DDX31: variants seen among roughly 807,000 people sequenced by gnomAD.
DDX31 encodes DEAD-box helicase 31.
DDX31 carries 70 observed loss-of-function variants against 91.3 expected under a neutral mutation model. That is an observed-to-expected ratio of 0.77 (90% CI 0.63 to 0.94). The LOEUF (loss-of-function observed/expected upper bound fraction) is 0.94, where lower values mean the gene tolerates loss of function less well. Ranked by LOEUF, DDX31 falls within the 40% of genes least tolerant of loss-of-function variation. The probability of loss-of-function intolerance (pLI) is 0.00; values close to 1 mark genes in which losing one functional copy is unlikely to be tolerated. For synonymous variants in DDX31, 362 were observed against 350.6 expected (o/e 1.03, Z -0.36); for missense variants, 902 against 925.0 (o/e 0.98, Z 0.32).
chr9:132,669,526 G>T (rs894361968), intron 1 of DDX31: 2 of 1,376,740 alleles, frequency 1.5e-6, no homozygotes, highest in Non-Finnish European at 1.9e-6. Context: ...GCTTAGAGAA[G>T]TTAAGCTTTG....
intron 14 of DDX31, among the ~76,000 whole-genome samples, chr9:132,640,079 C>G (rs1450228959): frequency 6.6e-6 from 1 of 152,222 alleles, no homozygotes. Flanking sequence ...GTGCTAGACA[C>G]TGGGATAGAA....
chr9:132,622,107 A>C (rs1052279799), intron 17 of DDX31, among the ~76,000 whole-genome samples: 2 of 152,162 alleles, frequency 1.3e-5, no homozygotes, highest in African/African-American at 4.8e-5. Context: ...AGACCTAAGA[A>C]TCTATGAGGT....
At chr9:132,611,291 C>T (rs1831322447) in intron 19 of DDX31, among the ~76,000 whole-genome samples, 2 of 152,192 alleles carry the variant, frequency 1.3e-5, no homozygotes, top group African/African-American at 2.4e-5. Flanking sequence ...ATTTGTTCAA[C>T]GGACCGTTCC....
chr9:132,604,394 C>T (rs1830892154), intron 19 of DDX31, among the ~76,000 whole-genome samples: 1 of 152,160 alleles, frequency 6.6e-6, no homozygotes, highest in Non-Finnish European at 1.5e-5. Context: ...AGCCTGCCTC[C>T]CCTGACAGAG....
At chr9:132,598,835 A>G (rs529894894) in intron 19 of DDX31, among the ~76,000 whole-genome samples, 2 of 152,374 alleles carry the variant, frequency 1.3e-5, no homozygotes, top group South Asian at 2.1e-4. Flanking sequence ...ATATTAAAGT[A>G]TATTTTCATC....
In DDX31 at chr9:132,659,789, C is replaced by T; in HGVS notation, c.453-9G>A. 1 of 1,612,038 alleles carries T rather than the reference C, an allele frequency of 6.2e-7. No individual in the cohort carries two copies. Among genetic ancestry groups the T allele is most frequent in the Non-Finnish European group, 8.5e-7 (1 of 1,178,990 alleles). On this transcript the variant is annotated splice_polypyrimidine_tract_variant and intron_variant, in intron 4 of 19. Coordinates refer to ENST00000372159, the MANE Select transcript of DDX31 (RefSeq NM_022779.9). ...TACTTTGCTTCTGAACACTGGGCCA[C>T]CCGAAAAAAAGAACACACTTTACCT...
chr9:132,596,918 C>G (rs182880357), intron 19 of DDX31, among the ~76,000 whole-genome samples: 2 of 152,200 alleles, frequency 1.3e-5, no homozygotes, highest in East Asian at 3.9e-4. Context: ...ACTTGACTAT[C>G]ACTCATCAGC....
In DDX31 at chr9:132,595,575, C is replaced by T. The variant is rs79714555; in HGVS notation, c.1995-463G>A. Among the ~76,000 whole-genome samples, 612 of 152,280 alleles carry T rather than the reference C, an allele frequency of 4.0e-3. 3 individuals carry two copies. The highest frequency in any genetic ancestry group is 0.014 in the African/African-American group (590 of 41,556). Reference sequence around the variant, plus strand: ...CTGAGGGCTTCAGGACTCAGCCCTGCGGGAGCAGAGTCCAGCAAGTTCCAC... The same window carrying T: ...CTGAGGGCTTCAGGACTCAGCCCTGTGGGAGCAGAGTCCAGCAAGTTCCAC... On this transcript the variant is annotated intron_variant, in intron 19 of 19. Transcript: ENST00000372159. This position sits in a 1 kb window ranked among gnomAD's most constrained non-coding sequence, Gnocchi z 4.6.
chr9:132,599,292 C>T (rs1171160467), intron 19 of DDX31, among the ~76,000 whole-genome samples: 1 of 152,208 alleles, frequency 6.6e-6, no homozygotes, highest in East Asian at 1.9e-4. Flanking sequence ...AATGCAAGAG[C>T]TGGAATTTGA....
chr9:132,613,054 T>G (rs1308321287), intron 18 of DDX31, among the ~76,000 whole-genome samples: 1 of 152,122 alleles, frequency 6.6e-6, no homozygotes. Context: ...TTTTTAAATT[T>G]TTATTTTTGT....
chr9:132,604,238 G>A (rs1830880729), intron 19 of DDX31, among the ~76,000 whole-genome samples: 1 of 152,190 alleles, frequency 6.6e-6, no homozygotes, highest in Non-Finnish European at 1.5e-5. Flanking sequence ...AATGGTCCCT[G>A]AGACTACAGG....
At chr9:132,663,404 G>A (rs1178878263) in intron 1 of DDX31, 1 of 985,182 alleles carries the variant, frequency 1.0e-6, no homozygotes, top group African/African-American at 1.7e-5. Context: ...GAGTCCCCGA[G>A]TCTCTGCCTG....
chr9:132,622,765 T>G (rs909624832), intron 17 of DDX31, among the ~76,000 whole-genome samples: 2 of 152,270 alleles, frequency 1.3e-5, no homozygotes, highest in South Asian at 2.1e-4. Context: ...TCCCTGAGTC[T>G]GGGCTTTAAT....
intron 14 of DDX31, among the ~76,000 whole-genome samples, chr9:132,632,972 A>C (rs1832887901): frequency 6.6e-6 from 1 of 152,144 alleles, no homozygotes; most frequent in South Asian, 2.1e-4. Flanking sequence ...TTCATTCTTC[A>C]AGAATAACAG....
rs546626646 is a variant in DDX31, at chr9:132,614,415, G to A, written c.1826-2160C>T. ...AGCCCCACAGCCAAGCCCTCAGAGG[G>A]AAAGGCTCTACTGCTACGCGACCCA... is the stretch of plus-strand genomic sequence containing the variant. On this transcript the variant is annotated intron_variant, in intron 18 of 19. Transcript: ENST00000372159. Among the ~76,000 whole-genome samples, 3 of 151,782 alleles carry A rather than the reference G, an allele frequency of 2.0e-5. No homozygotes were observed. In the East Asian group the frequency reaches 5.8e-4, roughly 29 times the overall value.
intron 18 of DDX31, among the ~76,000 whole-genome samples, chr9:132,615,795 A>T (rs969945407): frequency 2.0e-5 from 3 of 152,368 alleles, no homozygotes; most frequent in Middle Eastern, 3.4e-3. Context: ...AAACAGAGGA[A>T]AAAAGGGGTA....
At chr9:132,608,909 C>T (rs1170351412) in intron 19 of DDX31, among the ~76,000 whole-genome samples, 1 of 152,192 alleles carries the variant, frequency 6.6e-6, no homozygotes, top group Non-Finnish European at 1.5e-5. Flanking sequence ...GTCAAGTTTT[C>T]TCTGCCGCTT....
chr9:132,663,149 G>A (rs1311366424), intron 1 of DDX31: 1 of 1,282,404 alleles, frequency 7.8e-7, no homozygotes, highest in Non-Finnish European at 1.0e-6. Flanking sequence ...GCACACTGGA[G>A]ACCGCACAGG....
intron 6 of DDX31, among the ~76,000 whole-genome samples, chr9:132,654,816 G>A (rs1000824557): frequency 6.6e-6 from 1 of 150,984 alleles, no homozygotes; most frequent in African/African-American, 2.4e-5. Flanking sequence ...CGTGGTGGTA[G>A]GCATCTGTAA....
Sources: gnomAD v4.1 joint callset for allele counts (sites outside exome capture counted in the v4.1 genomes callset) on GRCh38, gnomAD v4.1.1 for gene constraint, Gnocchi (gnomAD v3.1) non-coding constraint, MANE v1.5 for transcripts, NCBI Gene and HGNC (gene_info 2026-07-23, HGNC 2026-07-21) for gene names.